HLTF: variants seen among roughly 807,000 people sequenced by gnomAD.
The protein encoded by HLTF is DNA-dependent ATPase/E3 ubiquitin-protein ligase HLTF.
HLTF carries 127 observed loss-of-function variants against 129.4 expected under a neutral mutation model. The ratio of observed to expected loss-of-function variants is 0.98; its 90% CI spans 0.85 to 1.14. The LOEUF (loss-of-function observed/expected upper bound fraction) is 1.14, where lower values mean the gene tolerates loss of function less well. Ranked by LOEUF, HLTF falls within the 50% of genes most tolerant of loss-of-function variation. The pLI, the probability that HLTF is intolerant of heterozygous loss-of-function variation, is 0.00. For synonymous variants in HLTF, 332 were observed against 388.8 expected, an observed-to-expected ratio of 0.85 and a Z score of 1.72; for missense variants, 1,139 against 1,187.1, an observed-to-expected ratio of 0.96 and a Z score of 0.60.
rs534725965 is a variant in HLTF, at chr3:149,068,510, C to T, written c.895-175G>A. Among the ~76,000 whole-genome samples the T allele has an allele frequency of 3.7e-3, 556 of 152,284 alleles. 2 individuals carry two copies. The highest frequency in any genetic ancestry group is 6.9e-3 in the Admixed American group (105 of 15,300). ...TTTAGTTAGAAAATGCTTTCCCCCACTGCATTATTAGGGAATTATTAAATG... is the reference window on the plus strand; with the variant it reads ...TTTAGTTAGAAAATGCTTTCCCCCATTGCATTATTAGGGAATTATTAAATG... On this transcript the variant is annotated intron_variant, in intron 7 of 24. Coordinates refer to ENST00000310053, the MANE Select transcript of HLTF (RefSeq NM_003071.4).
At chr3:149,077,674 C>T (rs913827398) in intron 2 of HLTF, among the ~76,000 whole-genome samples, 2 of 151,362 alleles carry the variant, frequency 1.3e-5, no homozygotes, top group East Asian at 1.9e-4. Context: ...AAGCACAGGG[C>T]TGGTATGCAT....
chr3:149,083,555 A>G (rs1387516740), intron 2 of HLTF: 1 of 152,056 alleles, frequency 6.6e-6, no homozygotes, highest in Non-Finnish European at 1.5e-5. Context: ...GAAACAGAAA[A>G]GCTCAGAAAT....
intron 2 of HLTF, among the ~76,000 whole-genome samples, chr3:149,079,896 C>A (rs1430971989): frequency 6.6e-6 from 1 of 152,072 alleles, no homozygotes; most frequent in Non-Finnish European, 1.5e-5. Context: ...CCATGCCCAG[C>A]CACAAAGTTT....
At position 149,084,824 on chromosome 3, in the gene HLTF, G is replaced by C. The variant is rs1720209434; in HGVS notation, c.86C>G (p.Ser29Ter). The change falls in exon 2 of 25, where the codon TCA becomes TGA. Residue 29 changes from serine to a stop codon, truncating the protein, a stop_gained. Coordinates refer to ENST00000310053, the MANE Select transcript of HLTF (RefSeq NM_003071.4). LOFTEE classifies it high-confidence loss of function. ...AAAACGTGGAAAGAAAGTTGGATAT[G>C]AGAGGCGTGGAAAATTTCCATGAAC... ...YGVHGNFPRL[S>*]YPTFFPRFEF... 2 of 1,613,912 alleles carry C rather than the reference G, an allele frequency of 1.2e-6. No homozygotes were observed. The highest frequency in any genetic ancestry group is 2.7e-5 in the African/African-American group (2 of 74,924).
intron 7 of HLTF, 129 bp downstream of exon 7, chr3:149,071,123 T>C (rs779138042): frequency 2.0e-5 from 11 of 555,752 alleles, no homozygotes; most frequent in Admixed American, 6.8e-5. Flanking sequence ...AACTGTGTTC[T>C]ACAAAGATAG....
chr3:149,065,862 C>T (rs549415842), intron 8 of HLTF, among the ~76,000 whole-genome samples: 2 of 152,156 alleles, frequency 1.3e-5, no homozygotes, highest in East Asian at 1.9e-4. Flanking sequence ...TTTAGAGATA[C>T]GTAACTAGAA....
intron 14 of HLTF, among the ~76,000 whole-genome samples, chr3:149,053,511 A>G (rs373026916): frequency 2.0e-5 from 3 of 152,204 alleles, no homozygotes; most frequent in East Asian, 3.9e-4. Flanking sequence ...CCTCACCAGA[A>G]GCAGATGCCA....
At position 149,044,795 on chromosome 3, in the gene HLTF, T is replaced by C. The variant is rs543196594; in HGVS notation, c.2072+1285A>G. 3.3e-5 allele frequency among the ~76,000 whole-genome samples: 5 copies of C among 152,222 alleles called. No homozygotes were observed. In the East Asian group the frequency reaches 7.7e-4, roughly 24 times the overall value. On this transcript the variant is annotated intron_variant, in intron 18 of 24. Transcript: ENST00000310053. Reference sequence around the variant, plus strand: ...TTCCTCTTTCACATGCCATAACATATCAACCAGCAAGTTCTGTTGGTTCTA... The same window carrying C: ...TTCCTCTTTCACATGCCATAACATACCAACCAGCAAGTTCTGTTGGTTCTA...
Position 149,073,258 on chromosome 3 carries a change from T to C in HLTF, c.594A>G (p.Pro198=). 1 of 1,611,632 alleles carries C rather than the reference T, an allele frequency of 6.2e-7. No homozygotes were observed. The highest frequency in any genetic ancestry group is 8.5e-7 in the Non-Finnish European group (1 of 1,178,010). The change falls in exon 5 of 25, where the codon CCA becomes CCG. Residue 198 remains proline, a synonymous_variant. Transcript: ENST00000310053. ...SGRAGPSYSM[P]VHAAVQMTTE... is the part of the protein sequence containing the mutation. ...TTGTCATCTGTACTGCAGCATGCAC[T>C]GGCATACTATAGCTTGGTCCAGCTC...
chr3:149,036,716 C>A (rs1394835918), intron 23 of HLTF, among the ~76,000 whole-genome samples: 2 of 151,758 alleles, frequency 1.3e-5, no homozygotes, highest in East Asian at 1.9e-4. Context: ...GAGTTTGAGA[C>A]CAGCCTGGGC....
chr3:149,053,253 A>G (rs574313193), intron 14 of HLTF, among the ~76,000 whole-genome samples: 2 of 152,188 alleles, frequency 1.3e-5, no homozygotes, highest in Non-Finnish European at 2.9e-5. Flanking sequence ...TAATCTCCAG[A>G]GTTGGATGAG....
rs188999943 is a variant in HLTF at position 149,047,012 on chromosome 3, C to T, written c.1893-753G>A. ...ACACATTCTATCCAGCAAAAATATACAAACACATACAAAAGAAACAAATAT... is the reference window on the plus strand; with the variant it reads ...ACACATTCTATCCAGCAAAAATATATAAACACATACAAAAGAAACAAATAT... On this transcript the variant is annotated intron_variant, in intron 17 of 24. Coordinates refer to ENST00000310053, the MANE Select transcript of HLTF (RefSeq NM_003071.4). Among the ~76,000 whole-genome samples, 99 of 152,256 alleles carry T rather than the reference C, an allele frequency of 6.5e-4. 1 individual carries two copies. The highest frequency in any genetic ancestry group is 2.3e-3 in the African/African-American group (95 of 41,558).
chr3:149,076,369 G>A (rs561318100), intron 2 of HLTF, among the ~76,000 whole-genome samples: 18 of 152,242 alleles, frequency 1.2e-4, no homozygotes, highest in Admixed American at 3.3e-4. Context: ...CTTATTGAGC[G>A]CTTACTATGT....
At chr3:149,037,467 CA>C (rs71135657) in intron 23 of HLTF, among the ~76,000 whole-genome samples, 386 of 99,580 alleles carry the variant, frequency 3.9e-3, no homozygotes, top group Middle Eastern at 0.034. Context: ...GACTCTGTCT[CA>C]AAAAAAAAAA....
chr3:149,045,549 GAACA>G (rs1716477706), intron 18 of HLTF, among the ~76,000 whole-genome samples: 2 of 152,162 alleles, frequency 1.3e-5, no homozygotes, highest in African/African-American at 4.8e-5. Flanking sequence ...CTGCTGCTTA[GAACA>G]ATCTTTCCCA....
chr3:149,066,913 T>C (rs1718426813), intron 8 of HLTF, among the ~76,000 whole-genome samples: 1 of 152,066 alleles, frequency 6.6e-6, no homozygotes, highest in Admixed American at 6.6e-5. Flanking sequence ...CAGACATTAA[T>C]AAAATAAAAT....
chr3:149,054,150 T>G (rs908494587), intron 14 of HLTF, among the ~76,000 whole-genome samples: 3 of 152,162 alleles, frequency 2.0e-5, no homozygotes, highest in African/African-American at 7.2e-5. Flanking sequence ...TCACAAGTAG[T>G]CTTTTCCAAT....
intron 17 of HLTF, among the ~76,000 whole-genome samples, chr3:149,047,516 C>T (rs559108353): frequency 1.3e-5 from 2 of 152,152 alleles, no homozygotes; most frequent in Admixed American, 6.6e-5. Flanking sequence ...CTGGCGCAGA[C>T]CTGTAATCTC....
At chr3:149,077,325 C>G (rs1227638855) in intron 2 of HLTF, among the ~76,000 whole-genome samples, 1 of 151,540 alleles carries the variant, frequency 6.6e-6, no homozygotes, top group Non-Finnish European at 1.5e-5. Context: ...CTAGGTAAAG[C>G]CTGGCAGTCA....
Sources: gnomAD v4.1 joint callset for allele counts (sites outside exome capture counted in the v4.1 genomes callset) on GRCh38, gnomAD v4.1.1 for gene constraint, MANE v1.5 for transcripts, NCBI Gene and HGNC (gene_info 2026-07-23, HGNC 2026-07-21) for gene names.